Variants in SOX5 observed in about 807,000 individuals in gnomAD.
SOX5 encodes the protein transcription factor SOX-5.
SOX5 carries 9 observed loss-of-function variants against 92.0 expected under a neutral mutation model. That is an observed-to-expected ratio of 0.10 (90% CI 0.06 to 0.17). The LOEUF is 0.17. Ranked by LOEUF, SOX5 falls within the 10% of genes least tolerant of loss-of-function variation. The probability of loss-of-function intolerance (pLI) is 1.00; values close to 1 mark genes in which losing one functional copy is unlikely to be tolerated. For missense variants in SOX5, 642 were observed against 944.5 expected, an observed-to-expected ratio of 0.68 and a Z score of 4.20; for synonymous variants, 344 against 336.3, an observed-to-expected ratio of 1.02 and a Z score of -0.25.
At chr12:23,653,197 A>G (rs969425062) in intron 7 of SOX5, among the ~76,000 whole-genome samples, 4 of 151,916 alleles carry the variant, frequency 2.6e-5, no homozygotes, top group Non-Finnish European at 4.4e-5. Context: ...AGTACTACTC[A>G]CTTGTCACTT....
In SOX5 at chr12:24,427,548, C is replaced by T. The variant is rs151215431; in HGVS notation, c.-250-58909G>A. ...ACTTTTCTTCAGGATTAATTGAGTG[C>T]AATCTTTTATCTGTTTCTATTCAGC... On this transcript the variant is annotated intron_variant, in intron 1 of 4. Transcript: ENST00000446891. Among the ~76,000 whole-genome samples the T allele has an allele frequency of 3.3e-3, 500 of 152,280 alleles. 2 individuals carry two copies. Among genetic ancestry groups the T allele is most frequent in the African/African-American group, 0.012 (479 of 41,548 alleles).
rs577408965 is a variant in SOX5 at position 23,827,808 on chromosome 12, T to A, written c.481+18175A>T. ...GCAATAGCTTTTTTTTGTTTTTGTT[T>A]TTTGAATTGTCTACCTCTTTCAATT... On this transcript the variant is annotated intron_variant, in intron 3 of 14. Transcript: ENST00000451604. Among the ~76,000 whole-genome samples, 3 of 152,344 alleles carry A rather than the reference T, an allele frequency of 2.0e-5. No individual in the cohort carries two copies. The South Asian group carries it at 6.2e-4, about 32-fold the overall frequency.
chr12:23,718,281 C>G (rs2092623056), intron 6 of SOX5, among the ~76,000 whole-genome samples: 1 of 152,162 alleles, frequency 6.6e-6, no homozygotes, highest in Non-Finnish European at 1.5e-5. Context: ...ATTGCTTGTG[C>G]TTTCTAAAAT....
chr12:23,846,374 C>T (rs2096575472), intron 2 of SOX5, among the ~76,000 whole-genome samples, 181 bp from the exon 3 acceptor site: 1 of 152,134 alleles, frequency 6.6e-6, no homozygotes, highest in South Asian at 2.1e-4. Flanking sequence ...TGTCACTCTG[C>T]AAGAGGCAAA....
intron 2 of SOX5, among the ~76,000 whole-genome samples, chr12:24,330,166 G>T (rs1193306622): frequency 2.0e-5 from 3 of 151,832 alleles, no homozygotes; most frequent in Non-Finnish European, 4.4e-5. Flanking sequence ...GAGAAAAAGG[G>T]ATTAAAAATA....
At chr12:24,028,958 T>C (rs995051726) in intron 4 of SOX5, among the ~76,000 whole-genome samples, 2 of 152,020 alleles carry the variant, frequency 1.3e-5, no homozygotes, top group African/African-American at 4.8e-5. Flanking sequence ...ACAAATAAGT[T>C]GGCGCTGCTT....
At chr12:24,417,334 T>C (rs1048465311) in intron 1 of SOX5, among the ~76,000 whole-genome samples, 10 of 152,214 alleles carry the variant, frequency 6.6e-5, no homozygotes, top group African/African-American at 2.2e-4. Context: ...TATGTGTATG[T>C]GAGGAAGAAA....
At chr12:24,550,567 G>A (rs76244238) in intron 1 of SOX5, among the ~76,000 whole-genome samples, 2,107 of 152,184 alleles carry the variant, frequency 0.014, 41 homozygotes, top group African/African-American at 0.048. Flanking sequence ...AACCTCCATG[G>A]CTAAATACTC....
At chr12:24,381,152 G>T (rs12582291) in intron 1 of SOX5, among the ~76,000 whole-genome samples, 1 of 152,134 alleles carries the variant, frequency 6.6e-6, no homozygotes, top group East Asian at 1.9e-4. Flanking sequence ...TGCCCAAAAC[G>T]CCAGACACGG....
At chr12:24,036,194 C>A (rs1956019622) in intron 4 of SOX5, among the ~76,000 whole-genome samples, 1 of 152,020 alleles carries the variant, frequency 6.6e-6, no homozygotes, top group African/African-American at 2.4e-5. Context: ...ACTTTCAGTA[C>A]TAATTTTTTC....
At chr12:24,378,844 A>G (rs1475490877) in intron 1 of SOX5, among the ~76,000 whole-genome samples, 2 of 152,232 alleles carry the variant, frequency 1.3e-5, no homozygotes, top group African/African-American at 4.8e-5. Flanking sequence ...TTAAAAAGAC[A>G]GTGCTCTTAT....
At chr12:24,312,777 C>T (rs1949315298) in intron 2 of SOX5, among the ~76,000 whole-genome samples, 1 of 152,104 alleles carries the variant, frequency 6.6e-6, no homozygotes, top group Non-Finnish European at 1.5e-5. Flanking sequence ...TAGAGAAACT[C>T]TCCAAACTCA....
intron 11 of SOX5, among the ~76,000 whole-genome samples, chr12:23,561,322 G>A (rs751687905): frequency 6.6e-6 from 1 of 152,086 alleles, no homozygotes; most frequent in Non-Finnish European, 1.5e-5. Flanking sequence ...TGGCAATAAG[G>A]TCCCCTAACA....
At chr12:24,233,057 A>G (rs551750271) in intron 3 of SOX5, among the ~76,000 whole-genome samples, 1 of 152,220 alleles carries the variant, frequency 6.6e-6, no homozygotes, top group Admixed American at 6.5e-5. Context: ...AGGGGATTGA[A>G]GTAGTAAAAT....
chr12:23,950,364 A>G (rs1945417039), upstream of SOX5, among the ~76,000 whole-genome samples: 1 of 152,080 alleles, frequency 6.6e-6, no homozygotes, highest in Non-Finnish European at 1.5e-5. Flanking sequence ...GGCCCCTTCA[A>G]GGAAACCTGT....
intron 8 of SOX5, among the ~76,000 whole-genome samples, chr12:23,628,582 T>C (rs1419494786): frequency 6.6e-6 from 1 of 152,028 alleles, no homozygotes; most frequent in Non-Finnish European, 1.5e-5. Context: ...ATACTTTGAG[T>C]CTGTTCCTCC....
At chr12:23,972,706 T>G (rs1948481013) in intron 4 of SOX5, among the ~76,000 whole-genome samples, 1 of 152,178 alleles carries the variant, frequency 6.6e-6, no homozygotes, top group African/African-American at 2.4e-5. Flanking sequence ...TAATTGACAA[T>G]GTACATATTT....
intron 1 of SOX5, among the ~76,000 whole-genome samples, chr12:24,506,564 C>T (rs1030399048): frequency 6.6e-6 from 1 of 152,064 alleles, no homozygotes; most frequent in Admixed American, 6.6e-5. Flanking sequence ...ATTTTCAATA[C>T]AACGTGAGAC....
rs868040141 is a variant in SOX5 at position 24,516,981 on chromosome 12, T to C, written c.-251+45348A>G. Among the ~76,000 whole-genome samples, 26 of 152,278 alleles carry C rather than the reference T, an allele frequency of 1.7e-4. No homozygotes were observed. The Middle Eastern group carries it at 0.01, about 60-fold the overall frequency. On this transcript the variant is annotated intron_variant, in intron 1 of 4. Coordinates refer to the SOX5 transcript ENST00000446891. Reference sequence around the variant, plus strand: ...AGAATTAGTCTAAAAATCTTAATACTTACTAAACAATAAACATGAGAATAA... The same window carrying C: ...AGAATTAGTCTAAAAATCTTAATACCTACTAAACAATAAACATGAGAATAA...
Sources: gnomAD v4.1 joint callset for allele counts (sites outside exome capture counted in the v4.1 genomes callset) on GRCh38, gnomAD v4.1.1 for gene constraint, MANE v1.5 for transcripts, NCBI Gene and HGNC (gene_info 2026-07-23, HGNC 2026-07-21) for gene names.